The following ZHX2 variants were observed in gnomAD, a reference collection of about 807,000 sequenced individuals.
The protein encoded by ZHX2 is zinc fingers and homeoboxes 2, also known as zinc fingers and homeoboxes protein 2.
A neutral mutation model predicts 21.9 loss-of-function variants in ZHX2; 6 were observed. The observed-to-expected ratio is 0.27, with a 90% confidence interval of 0.15 to 0.54. ZHX2 has a LOEUF of 0.54. Ranked by LOEUF, ZHX2 falls within the 20% of genes least tolerant of loss-of-function variation. The pLI, the probability that ZHX2 is intolerant of heterozygous loss-of-function variation, is 0.95. For synonymous variants in ZHX2, 434 were observed against 437.1 expected (o/e 0.99, Z 0.09); for missense variants, 908 against 1,090.7 (o/e 0.83, Z 2.36).
intron 3 of ZHX2, among the ~76,000 whole-genome samples, chr8:122,963,803 CTG>C (rs1177279219): frequency 1.3e-5 from 2 of 151,802 alleles, no homozygotes; most frequent in East Asian, 3.9e-4. Context: ...TTTATTTCAG[CTG>C]TGTTTTATAA....
intron 1 of ZHX2, among the ~76,000 whole-genome samples, chr8:122,816,205 G>C (rs563146309): frequency 6.6e-6 from 1 of 152,064 alleles, no homozygotes; most frequent in Non-Finnish European, 1.5e-5. Context: ...TAAAGGGGCA[G>C]ATGATTATTA....
intron 1 of ZHX2, among the ~76,000 whole-genome samples, chr8:122,836,728 T>C (rs1218718135): frequency 1.3e-5 from 2 of 152,236 alleles, no homozygotes; most frequent in African/African-American, 2.4e-5. Context: ...AGGGTAGGTG[T>C]CTTCCGGCCG....
chr8:122,879,936 T>A (rs924045339), intron 2 of ZHX2, among the ~76,000 whole-genome samples: 7 of 151,444 alleles, frequency 4.6e-5, no homozygotes, highest in Non-Finnish European at 1.0e-4. Context: ...TCTCATTTAA[T>A]CCTTAAACCA....
At position 122,818,396 on chromosome 8, in the gene ZHX2, A is replaced by G. The variant is rs572363592; in HGVS notation, c.-283+36450A>G. On this transcript the variant is annotated intron_variant, in intron 1 of 3. Transcript: ENST00000314393. The stretch of plus-strand genomic sequence containing the variant: ...GCGAATATGACCATGTTTCATCCCC[A>G]TGTCTGTGTTGGACACAGCGTAGTC... Among the ~76,000 whole-genome samples the G allele has an allele frequency of 3.2e-4, 49 of 151,988 alleles. No homozygotes were observed. The South Asian group carries it at 5.0e-3, about 16-fold the overall frequency.
At chr8:122,908,292 C>T (rs1398179345) in intron 2 of ZHX2, among the ~76,000 whole-genome samples, 6 of 152,140 alleles carry the variant, frequency 3.9e-5, no homozygotes, top group Admixed American at 1.3e-4. Context: ...CTCCGCCTCC[C>T]GAGTTCAAGA....
At chr8:122,954,120 T>A (rs1045397188) in intron 3 of ZHX2, 92 bp downstream of exon 3, 2 of 1,166,622 alleles carry the variant, frequency 1.7e-6, no homozygotes, top group Non-Finnish European at 2.4e-6. Flanking sequence ...GGTACAGAGA[T>A]GTTGACACAG....
intron 1 of ZHX2, among the ~76,000 whole-genome samples, chr8:122,812,200 G>C (rs1817945267): frequency 6.6e-6 from 1 of 152,196 alleles, no homozygotes; most frequent in Admixed American, 6.5e-5. Flanking sequence ...AGGGGTGTGA[G>C]AAAAGCGAGG....
At chr8:122,857,360 GAA>G (rs761871911) in intron 1 of ZHX2, among the ~76,000 whole-genome samples, 4 of 125,452 alleles carry the variant, frequency 3.2e-5, no homozygotes, top group East Asian at 2.3e-4. Context: ...GTCACAAACA[GAA>G]AAAAAAAAAA....
chr8:122,865,006 C>T (rs1445909006), intron 2 of ZHX2, among the ~76,000 whole-genome samples: 2 of 152,146 alleles, frequency 1.3e-5, no homozygotes, highest in Non-Finnish European at 2.9e-5. Context: ...AAGAAACTGA[C>T]AGCCTGGATG....
chr8:122,797,652 G>T (rs528858239), intron 1 of ZHX2, among the ~76,000 whole-genome samples: 3 of 152,110 alleles, frequency 2.0e-5, no homozygotes, highest in African/African-American at 7.2e-5. Context: ...TAAGGACCAC[G>T]CTCAATTGTC....
intron 1 of ZHX2, among the ~76,000 whole-genome samples, chr8:122,861,044 A>G (rs1819155306): frequency 6.6e-6 from 1 of 151,392 alleles, no homozygotes; most frequent in Non-Finnish European, 1.5e-5. Flanking sequence ...TCAAAAAAAA[A>G]AAAAAAAAAA....
chr8:122,864,682 T>C (rs1458510308), intron 2 of ZHX2, among the ~76,000 whole-genome samples: 1 of 151,924 alleles, frequency 6.6e-6, no homozygotes, highest in Non-Finnish European at 1.5e-5. Context: ...GCGGGTGTGG[T>C]CCAGGCAGGT....
At chr8:122,907,657 A>G (rs1399564439) in intron 2 of ZHX2, among the ~76,000 whole-genome samples, 1 of 152,256 alleles carries the variant, frequency 6.6e-6, no homozygotes, top group Non-Finnish European at 1.5e-5. Flanking sequence ...ATCAGCATGA[A>G]GTCAGTGCTG....
intron 1 of ZHX2, among the ~76,000 whole-genome samples, chr8:122,824,535 A>C (rs1818221514): frequency 1.3e-5 from 2 of 152,204 alleles, no homozygotes; most frequent in African/African-American, 4.8e-5. Flanking sequence ...CCCCTCTTCC[A>C]TCAAAATACA....
intron 2 of ZHX2, among the ~76,000 whole-genome samples, chr8:122,938,252 G>C (rs1179867967): frequency 1.3e-5 from 2 of 152,076 alleles, no homozygotes; most frequent in Admixed American, 6.5e-5. Flanking sequence ...TGGTTTTCAT[G>C]AATTATTCTG....
chr8:122,842,719 A>G (rs1818665477), intron 1 of ZHX2, among the ~76,000 whole-genome samples: 1 of 151,730 alleles, frequency 6.6e-6, no homozygotes, highest in Non-Finnish European at 1.5e-5. Context: ...AAAAAAAAAC[A>G]AGCTGTCTCC....
chr8:122,819,109 G>A (rs1050719516), intron 1 of ZHX2, among the ~76,000 whole-genome samples: 3 of 152,202 alleles, frequency 2.0e-5, no homozygotes, highest in African/African-American at 7.2e-5. Flanking sequence ...CTTCTTGAAG[G>A]CCAGATGGGA....
Position 122,962,740 on chromosome 8 carries a change from C to T in ZHX2, c.*4+8712C>T, listed in dbSNP as rs148254389. Among the ~76,000 whole-genome samples, 225 of 152,284 alleles carry T rather than the reference C, an allele frequency of 1.5e-3. 3 individuals carry two copies. The East Asian group carries it at 0.037, about 25-fold the overall frequency. On this transcript the variant is annotated intron_variant, in intron 3 of 3. Coordinates refer to ENST00000314393, the MANE Select transcript of ZHX2 (RefSeq NM_014943.5). The stretch of plus-strand genomic sequence containing the variant: ...TGGTTGTACTAGTTTACATTTCCAC[C>T]AGCATTGTAAAAGTGTTCCCTTTTT...
intron 1 of ZHX2, among the ~76,000 whole-genome samples, chr8:122,846,899 A>G (rs189138623): frequency 3.3e-4 from 50 of 152,266 alleles, no homozygotes; most frequent in Admixed American, 2.9e-3. Context: ...GTTTAGCTCT[A>G]TTTGAGAGGC....
Sources: allele counts gnomAD v4.1 joint callset (sites outside exome capture counted in the v4.1 genomes callset), GRCh38; gene constraint gnomAD v4.1.1; transcripts MANE v1.5; gene names NCBI Gene and HGNC (gene_info 2026-07-23, HGNC 2026-07-21).